The following PROX1 variants were observed in gnomAD, a reference collection of about 807,000 sequenced individuals.
PROX1 encodes prospero homeobox protein 1.
Under a neutral mutation model 58.8 loss-of-function variants are expected in PROX1, and 7 were observed. That is an observed-to-expected ratio of 0.12 (90% confidence interval 0.07 to 0.22). The LOEUF (loss-of-function observed/expected upper bound fraction) is 0.22. PROX1 is among the 10% of genes least tolerant of loss of function. The pLI, the probability that PROX1 is intolerant of heterozygous loss-of-function variation, is 1.00. For missense variants in PROX1, 675 were observed against 927.8 expected (o/e 0.73, Z 3.54); for synonymous variants, 350 against 358.3 (o/e 0.98, Z 0.26).
rs762280660 is a variant in PROX1 at position 213,996,874 on chromosome 1, C to T, written c.339C>T (p.Ala113=). 1 of 1,614,040 alleles carries T rather than the reference C, an allele frequency of 6.2e-7. No individual in the cohort carries two copies. Among genetic ancestry groups the T allele is most frequent in the Non-Finnish European group, 8.5e-7 (1 of 1,180,010 alleles). Residue 113 remains alanine (A), a synonymous_variant, in exon 2 of 5, where the codon GCC becomes GCT. Coordinates refer to ENST00000366958, the MANE Select transcript of PROX1 (RefSeq NM_001270616.2). ...GTGGCACGGAGCCCAGTTTCCAAGC[C>T]AGCGGTCTCTCTAGTACAGGCTCCG... is the stretch of plus-strand genomic sequence containing the variant. ...KNGGTEPSFQ[A]SGLSSTGSEV...
At chr1:213,989,895 C>CACCCCTAT (rs1365575158) in intron 1 of PROX1, 4 of 152,310 alleles carry the variant, frequency 2.6e-5, no homozygotes, top group Admixed American at 2.6e-4. Flanking sequence ...GGTGCTTAGT[C>CACCCCTAT]TTAAATAGCT....
chr1:214,017,529 G>A (rs944061840), intron 4 of PROX1, among the ~76,000 whole-genome samples: 4 of 151,400 alleles, frequency 2.6e-5, no homozygotes, highest in Non-Finnish European at 4.4e-5. Flanking sequence ...CTGAGAGGCC[G>A]TTTCTGACTG....
rs958643127 is a variant in PROX1, at chr1:214,033,556, C to T, written c.2029-2093C>T. On this transcript the variant is annotated intron_variant, in intron 4 of 4. Transcript: ENST00000366958. Reference sequence around the variant, plus strand: ...GAGGTTGCAGTGAGCCAGGATCATGCCACTGCACTCCAGCCTGGGTGACAG... The same window carrying T: ...GAGGTTGCAGTGAGCCAGGATCATGTCACTGCACTCCAGCCTGGGTGACAG... 2.0e-5 allele frequency among the ~76,000 whole-genome samples: 3 copies of T among 152,222 alleles called. No homozygotes were observed. The East Asian group carries it at 5.8e-4, about 29-fold the overall frequency.
At chr1:214,025,371 C>G (rs538786097) in intron 4 of PROX1, among the ~76,000 whole-genome samples, 1 of 152,332 alleles carries the variant, frequency 6.6e-6, no homozygotes, top group African/African-American at 2.4e-5. Context: ...AAGCTGTTAG[C>G]CCTCAAGTTT....
chr1:214,032,045 A>T (rs551515339), intron 4 of PROX1, among the ~76,000 whole-genome samples: 3 of 152,338 alleles, frequency 2.0e-5, no homozygotes, highest in African/African-American at 7.2e-5. Flanking sequence ...GTTCACAAAG[A>T]ATTCATTTCT....
At chr1:214,019,947 C>T (rs781125183) in intron 4 of PROX1, among the ~76,000 whole-genome samples, 1 of 152,150 alleles carries the variant, frequency 6.6e-6, no homozygotes, top group Non-Finnish European at 1.5e-5. Context: ...AGTTTTCTTG[C>T]CCAAATCACT....
At chr1:214,009,076 C>A (rs1450500007) in intron 3 of PROX1, among the ~76,000 whole-genome samples, 2 of 152,190 alleles carry the variant, frequency 1.3e-5, no homozygotes, top group Non-Finnish European at 2.9e-5. Context: ...ACGCTCACAG[C>A]TTTTCAAGCC....
rs563185613 is a variant in PROX1 at position 214,037,334 on chromosome 1, T to A, written c.*1500T>A. 6.6e-6 allele frequency: 1 copy of A among 152,302 alleles called. No homozygotes were observed. The highest frequency in any genetic ancestry group is 6.5e-5 in the Admixed American group (1 of 15,294). 9.4% of individuals were successfully genotyped at this position (152,302 alleles called of 1,614,324 possible). ...CCCCTTAGGTAATTTGATATACACC[T>A]CCTAAAATGACACAGTAACAAATCT... On this transcript the variant is annotated 3_prime_UTR_variant, in exon 5 of 5. Transcript: ENST00000366958.
chr1:213,989,369 G>A (rs371347050), intron 1 of PROX1, among the ~76,000 whole-genome samples: 4 of 152,054 alleles, frequency 2.6e-5, no homozygotes, highest in African/African-American at 4.8e-5. Flanking sequence ...ACACCAGCAC[G>A]AGGAGGACCG....
At chr1:213,987,555 G>C (rs190460201), upstream of PROX1, 2 of 100,724 alleles carry the variant, frequency 2.0e-5, no homozygotes, top group African/African-American at 3.6e-5. Flanking sequence ...AATGAAAAAA[G>C]AAAAAGAAAA....
intron 4 of PROX1, among the ~76,000 whole-genome samples, chr1:214,033,545 C>T (rs1664733731): frequency 1.3e-5 from 2 of 152,162 alleles, no homozygotes; most frequent in South Asian, 2.1e-4. Flanking sequence ...TTGCAGTGAG[C>T]CAGGATCATG....
At chr1:213,990,160 G>T (rs979815546) in intron 1 of PROX1, among the ~76,000 whole-genome samples, 1 of 139,952 alleles carries the variant, frequency 7.1e-6, no homozygotes, top group Non-Finnish European at 1.6e-5. Flanking sequence ...AGAAAGAAAA[G>T]AAAAAAAAAA....
At chr1:214,014,707 A>G (rs1444133513) in intron 4 of PROX1, among the ~76,000 whole-genome samples, 4 of 152,224 alleles carry the variant, frequency 2.6e-5, no homozygotes, top group African/African-American at 7.2e-5. Flanking sequence ...AACTGGGCAG[A>G]GGCAGATCGA....
intron 2 of PROX1, among the ~76,000 whole-genome samples, chr1:214,001,591 C>T (rs369007536): frequency 1.3e-5 from 2 of 152,194 alleles, no homozygotes; most frequent in South Asian, 4.2e-4. Context: ...GCTTTTTCTA[C>T]TCAACTTTTA....
At chr1:214,022,423 C>T (rs776927484) in intron 4 of PROX1, among the ~76,000 whole-genome samples, 2 of 152,210 alleles carry the variant, frequency 1.3e-5, no homozygotes, top group Non-Finnish European at 1.5e-5. Context: ...CCAATTATTG[C>T]ACCATTTCCT....
At chr1:214,024,426 G>A (rs972160092) in intron 4 of PROX1, among the ~76,000 whole-genome samples, 1 of 152,116 alleles carries the variant, frequency 6.6e-6, no homozygotes, top group Non-Finnish European at 1.5e-5. Context: ...AAAGCAACTC[G>A]GATATTATTT....
At chr1:214,023,924 T>C (rs1435955958) in intron 4 of PROX1, among the ~76,000 whole-genome samples, 10 of 152,176 alleles carry the variant, frequency 6.6e-5, no homozygotes, top group Non-Finnish European at 8.8e-5. Flanking sequence ...AAGCTGACCA[T>C]ATGTAGAAGA....
At chr1:213,994,803 A>ATATATATATATATAT (rs1558167657) in intron 1 of PROX1, among the ~76,000 whole-genome samples, 5 of 123,278 alleles carry the variant, frequency 4.1e-5, no homozygotes, top group Non-Finnish European at 6.8e-5. Flanking sequence ...ATATATATAT[A>ATATATATATATATAT]AAGAGGTATC....
At chr1:214,032,529 G>A (rs1442956530) in intron 4 of PROX1, among the ~76,000 whole-genome samples, 1 of 152,114 alleles carries the variant, frequency 6.6e-6, no homozygotes, top group Non-Finnish European at 1.5e-5. Context: ...CAGTAGCTGG[G>A]ACCACAGGCA....
Sources: gnomAD v4.1 joint callset for allele counts (sites outside exome capture counted in the v4.1 genomes callset) on GRCh38, gnomAD v4.1.1 for gene constraint, MANE v1.5 for transcripts, NCBI Gene and HGNC (gene_info 2026-07-23, HGNC 2026-07-21) for gene names.